The following ADGRV1 variants were observed in gnomAD, a reference collection of about 807,000 sequenced individuals.
The protein encoded by ADGRV1 is G-protein coupled receptor 98.
A neutral mutation model predicts 596.2 loss-of-function variants in ADGRV1; 359 were observed. That is an observed-to-expected ratio of 0.60 (90% CI 0.55 to 0.66). The LOEUF is 0.66. Ranked by LOEUF, ADGRV1 falls within the 30% of genes least tolerant of loss-of-function variation. The pLI is 0.00. For missense variants in ADGRV1, 7,274 were observed against 7,575.6 expected, an observed-to-expected ratio of 0.96 and a Z score of 1.48; for synonymous variants, 2,681 against 2,679.2, an observed-to-expected ratio of 1.00 and a Z score of -0.02.
At position 90,703,806 on chromosome 5, in the gene ADGRV1, A is replaced by C. The variant is rs768573919; in HGVS notation, c.8286+11A>C. On this transcript the variant is annotated intron_variant, in intron 35 of 89. Transcript: ENST00000405460. ...CTTTTCTTTCCTGAGGTAATACTGC[A>C]AAGAAAAGTCGATCACAAATATCTA... The C allele has an allele frequency of 6.4e-7, 1 of 1,569,706 alleles. No individual in the cohort carries two copies.
At chr5:91,133,124 T>C (rs1344451229) in intron 87 of ADGRV1, among the ~76,000 whole-genome samples, 2 of 152,196 alleles carry the variant, frequency 1.3e-5, no homozygotes, top group African/African-American at 4.8e-5. Context: ...TTCTTAACTT[T>C]TATTTTAGGT....
chr5:90,614,343 T>C lies in ADGRV1; in HGVS notation c.23-492T>C, dbSNP rs1763078251. 23 of 275,818 alleles carry C rather than the reference T, an allele frequency of 8.3e-5. 1 individual carries two copies. The highest frequency in any genetic ancestry group is 7.6e-4 in the South Asian group (23 of 30,160). The allele number at this position is 275,818 out of a possible 1,614,324, so 17.1% of individuals were successfully genotyped here. A position where few individuals can be genotyped will look rare whatever the true frequency, so the allele number is the denominator to read the frequency against. On this transcript the variant is annotated intron_variant, in intron 1 of 89. Coordinates refer to ENST00000405460, the MANE Select transcript of ADGRV1 (RefSeq NM_032119.4). ...AGAATTTCTTTGCAATAACTAAGAATTTAAAAAATTCTCAAAGAAGACAAG... is the reference window on the plus strand; with the variant it reads ...AGAATTTCTTTGCAATAACTAAGAACTTAAAAAATTCTCAAAGAAGACAAG...
At chr5:90,658,497 T>C (rs1007928975) in intron 21 of ADGRV1, among the ~76,000 whole-genome samples, 1 of 152,184 alleles carries the variant, frequency 6.6e-6, no homozygotes, top group Non-Finnish European at 1.5e-5. Flanking sequence ...AATAACAAGT[T>C]AGCAAATGAA....
At chr5:90,567,001 A>G (rs1161829619) in intron 1 of ADGRV1, among the ~76,000 whole-genome samples, 1 of 152,110 alleles carries the variant, frequency 6.6e-6, no homozygotes, top group Non-Finnish European at 1.5e-5. Flanking sequence ...CCTAATTTGT[A>G]TAATAAAAAG....
intron 5 of ADGRV1, among the ~76,000 whole-genome samples, chr5:90,624,396 G>A (rs924069082): frequency 1.3e-5 from 2 of 152,096 alleles, no homozygotes; most frequent in Admixed American, 1.3e-4. Context: ...CTTATCTATG[G>A]ATGTCTAAAG....
intron 83 of ADGRV1, among the ~76,000 whole-genome samples, chr5:90,874,042 C>G (rs1453052466): frequency 6.6e-6 from 1 of 152,140 alleles, no homozygotes; most frequent in African/African-American, 2.4e-5. Context: ...TAAATTGACT[C>G]TAATCATTTT....
intron 85 of ADGRV1, among the ~76,000 whole-genome samples, chr5:90,995,290 T>C (rs1164240804): frequency 3.3e-5 from 5 of 152,168 alleles, no homozygotes; most frequent in African/African-American, 1.2e-4. Flanking sequence ...CTGAGATACG[T>C]GAAATACAGA....
At chr5:91,133,772 A>G (rs559622214) in intron 87 of ADGRV1, among the ~76,000 whole-genome samples, 56 of 152,308 alleles carry the variant, frequency 3.7e-4, no homozygotes, top group African/African-American at 1.2e-3. Context: ...TGCTACTGCC[A>G]TAAGTATGTT....
At chr5:91,128,778 A>G (rs1248864973) in intron 87 of ADGRV1, among the ~76,000 whole-genome samples, 2 of 152,320 alleles carry the variant, frequency 1.3e-5, no homozygotes, top group East Asian at 1.9e-4. Context: ...TGTGTTCCCA[A>G]TACTTAGCAC....
rs759431938 is a variant in ADGRV1 at position 90,788,238 on chromosome 5, A to C, written c.13821A>C (p.Thr4607=). ...YPHEEIEVEE[T]FIIKLHLVKG... ...ATGAAGAAATTGAAGTTGAAGAGAC[A>C]TTCATTATTAAACTTCATCTTGTGA... is the stretch of plus-strand genomic sequence containing the variant. Residue 4607 remains threonine (T), a synonymous_variant, in exon 68 of 90, where the codon ACA becomes ACC. Coordinates refer to ENST00000405460, the MANE Select transcript of ADGRV1 (RefSeq NM_032119.4). 3 of 1,612,996 alleles carry C rather than the reference A, an allele frequency of 1.9e-6. No individual in the cohort carries two copies. In the Admixed American group the frequency reaches 5.0e-5, roughly 27 times the overall value.
rs567845466 is a variant in ADGRV1 at position 91,129,280 on chromosome 5, T to C, written c.18433-20750T>C. Among the ~76,000 whole-genome samples the C allele has an allele frequency of 7.9e-5, 12 of 152,340 alleles. No individual in the cohort carries two copies. The South Asian group carries it at 2.3e-3, about 29-fold the overall frequency. On this transcript the variant is annotated intron_variant, in intron 87 of 89. Transcript: ENST00000405460. ...ATCTACTTTTAAATTTTCTCCCCAC[T>C]GTGATTATCATGCAGGCCATGAGCA...
chr5:90,986,757 G>A (rs542226073), intron 85 of ADGRV1, among the ~76,000 whole-genome samples: 1 of 152,192 alleles, frequency 6.6e-6, no homozygotes. Flanking sequence ...ATTATATTAT[G>A]ATTTTTTACA....
chr5:90,767,263 G>A (rs1207758569), intron 59 of ADGRV1, among the ~76,000 whole-genome samples: 2 of 152,058 alleles, frequency 1.3e-5, no homozygotes, highest in South Asian at 2.1e-4. Flanking sequence ...TTTGTCAGTC[G>A]TTTTATAGTT....
intron 2 of ADGRV1, chr5:90,617,463 C>A (rs1763511907): frequency 5.3e-6 from 1 of 186,990 alleles, no homozygotes; most frequent in Admixed American, 5.9e-5. Context: ...ACACACACCA[C>A]CACGCCCAGC....
At chr5:90,910,602 TAC>T in intron 83 of ADGRV1, among the ~76,000 whole-genome samples, 2 of 147,080 alleles carry the variant, frequency 1.4e-5, no homozygotes, top group African/African-American at 2.5e-5. Context: ...TATCTATCTA[TAC>T]ACCCGCACAC....
intron 58 of ADGRV1, among the ~76,000 whole-genome samples, chr5:90,761,465 A>G (rs1428428502): frequency 6.6e-6 from 1 of 152,248 alleles, no homozygotes; most frequent in African/African-American, 2.4e-5. Context: ...TTAGTATTCA[A>G]ATCTTCAATT....
chr5:91,072,979 G>T (rs958497723), intron 86 of ADGRV1, among the ~76,000 whole-genome samples: 1 of 152,104 alleles, frequency 6.6e-6, no homozygotes, highest in African/African-American at 2.4e-5. Flanking sequence ...ACAAACCTCC[G>T]CAGTGCTCAT....
intron 85 of ADGRV1, among the ~76,000 whole-genome samples, chr5:91,013,039 A>G (rs1003542029): frequency 6.6e-6 from 1 of 151,972 alleles, no homozygotes; most frequent in African/African-American, 2.4e-5. Flanking sequence ...CCTTGTTCCC[A>G]CAAGAAAAAC....
intron 83 of ADGRV1, among the ~76,000 whole-genome samples, chr5:90,928,863 A>C (rs1185882719): frequency 6.7e-6 from 1 of 148,374 alleles, no homozygotes; most frequent in Non-Finnish European, 1.5e-5. Context: ...CAGGACCCTC[A>C]GCTGCAGGTC....
Sources: allele counts gnomAD v4.1 joint callset (sites outside exome capture counted in the v4.1 genomes callset), GRCh38; gene constraint gnomAD v4.1.1; transcripts MANE v1.5; gene names NCBI Gene and HGNC (gene_info 2026-07-23, HGNC 2026-07-21).